The following SLC38A7 variants were observed in gnomAD, a reference collection of about 807,000 sequenced individuals.
SLC38A7 encodes solute carrier family 38 member 7, also known as sodium-coupled neutral amino acid transporter 7.
Under a neutral mutation model 50.1 loss-of-function variants are expected in SLC38A7, and 29 were observed. The observed-to-expected ratio is 0.58, with a 90% CI of 0.43 to 0.79. SLC38A7 has a LOEUF of 0.79. SLC38A7 is among the 30% of genes least tolerant of loss of function. The pLI is 0.00. For missense variants in SLC38A7, 483 were observed against 610.6 expected (o/e 0.79, Z 2.20); for synonymous variants, 244 against 245.9 (o/e 0.99, Z 0.07).
intron 8 of SLC38A7, among the ~76,000 whole-genome samples, chr16:58,674,558 A>C (rs2044226762): frequency 6.6e-6 from 1 of 152,158 alleles, no homozygotes; most frequent in Admixed American, 6.5e-5. Flanking sequence ...TATAGGTGTG[A>C]GCCACTGTGA....
intron 5 of SLC38A7, 172 bp from the exon 6 acceptor site, chr16:58,677,596 CACAGCTAGGA>C: frequency 1.6e-6 from 1 of 611,940 alleles, no homozygotes; most frequent in Non-Finnish European, 2.9e-6. Context: ...AGAAACCTGC[CACAGCTAGGA>C]AGGAGCTGGA....
intron 6 of SLC38A7, 51 bp downstream of exon 6, chr16:58,677,275 G>T: frequency 6.5e-7 from 1 of 1,528,018 alleles, no homozygotes; most frequent in South Asian, 1.1e-5. Flanking sequence ...GCACCTGCTG[G>T]GGCCCAAGTG....
At chr16:58,671,803 A>T in intron 9 of SLC38A7, 1 of 266,476 alleles carries the variant, frequency 3.8e-6, no homozygotes, top group Non-Finnish European at 7.1e-6. Flanking sequence ...TCCCAGGCTC[A>T]AGCGATCCTT....
At chr16:58,683,322 T>C (rs1158757314) in intron 2 of SLC38A7, among the ~76,000 whole-genome samples, 1 of 152,212 alleles carries the variant, frequency 6.6e-6, no homozygotes, top group African/African-American at 2.4e-5. Context: ...CTTGGACTAC[T>C]TCCCATTGCT....
At position 58,671,483 on chromosome 16, in the gene SLC38A7, C is replaced by T; in HGVS notation, c.1032-239G>A. Reference sequence around the variant, plus strand: ...ACATGGAAACTGATATTGTTTTTTCCTTAAAAGGAACTGTCTGGGGCATCC... The same window carrying T: ...ACATGGAAACTGATATTGTTTTTTCTTTAAAAGGAACTGTCTGGGGCATCC... On this transcript the variant is annotated intron_variant, in intron 9 of 11. Coordinates refer to ENST00000219320, the MANE Select transcript of SLC38A7 (RefSeq NM_018231.3). 5 of 584,736 alleles carry T rather than the reference C, an allele frequency of 8.6e-6. No homozygotes were observed. In the South Asian group the frequency reaches 1.1e-4, roughly 13 times the overall value. The allele number at this position is 584,736 out of a possible 1,614,324, so 36.2% of individuals were successfully genotyped here.
rs190039283 is a variant in SLC38A7 at position 58,682,328 on chromosome 16, G to A, written c.-116+1627C>T. Among the ~76,000 whole-genome samples, 326 of 152,254 alleles carry A rather than the reference G, an allele frequency of 2.1e-3. 1 individual carries two copies. Among genetic ancestry groups the A allele is most frequent in the African/African-American group, 7.4e-3 (308 of 41,548 alleles). On this transcript the variant is annotated intron_variant, in intron 2 of 11. Transcript: ENST00000219320. Reference sequence around the variant, plus strand: ...GCCAGGGCAGTCTTCCCCAGAGGCTGCTATTAGCTGGTTACCACCCAGGCT... The same window carrying A: ...GCCAGGGCAGTCTTCCCCAGAGGCTACTATTAGCTGGTTACCACCCAGGCT...
intron 2 of SLC38A7, among the ~76,000 whole-genome samples, chr16:58,683,070 G>A (rs917334133): frequency 5.3e-5 from 8 of 151,716 alleles, no homozygotes; most frequent in African/African-American, 1.9e-4. Context: ...GAGATGAGGA[G>A]GTCTCACTAT....
chr16:58,667,573 A>G, intron 11 of SLC38A7, 86 bp from the exon 12 acceptor site: 3 of 1,037,338 alleles, frequency 2.9e-6, no homozygotes, highest in Non-Finnish European at 4.1e-6. Flanking sequence ...TAATTACTGT[A>G]ATTATCGCAC....
In SLC38A7 at chr16:58,672,150, G is replaced by C. The variant is rs570530439; in HGVS notation, c.977C>G (p.Ala326Gly). 1.1e-5 allele frequency: 17 copies of C among 1,563,782 alleles called. No individual in the cohort carries two copies. The Admixed American group carries it at 3.1e-4, about 28-fold the overall frequency. The change falls in exon 9 of 12, where the codon GCC becomes GGC. Residue 326 changes from alanine (A) to glycine (G), a missense_variant. By Grantham distance (60) the Ala-to-Gly change is moderately conservative. Transcript: ENST00000219320. ...GGTGAGCACGCTCAGGATGATGAAG[G>C]CTCGGGCAACGGCCACGGCCATGTC... ...SEDMAVAVAR[A>G]FIILSVLTSY...
intron 9 of SLC38A7, 95 bp downstream of exon 9, chr16:58,672,001 C>T (rs957311501): frequency 1.5e-6 from 2 of 1,366,246 alleles, no homozygotes; most frequent in Non-Finnish European, 9.7e-7. Context: ...TTCAGTTTCT[C>T]CTTCTACAGG....
intron 5 of SLC38A7, chr16:58,677,687 C>A: frequency 2.1e-6 from 1 of 469,946 alleles, no homozygotes; most frequent in Non-Finnish European, 3.9e-6. Flanking sequence ...GGCTCAGAGA[C>A]GATGCAGAGA....
chr16:58,676,871 G>T (rs1215668113), intron 6 of SLC38A7, among the ~76,000 whole-genome samples: 1 of 151,962 alleles, frequency 6.6e-6, no homozygotes, highest in Non-Finnish European at 1.5e-5. Flanking sequence ...AGCCAGGATG[G>T]TCTCAATCTC....
At chr16:58,679,746 G>C in intron 3 of SLC38A7, 111 bp downstream of exon 3, 1 of 1,390,782 alleles carries the variant, frequency 7.2e-7, no homozygotes, top group Non-Finnish European at 1.0e-6. Context: ...GTGTGAGGGA[G>C]GGGAGAGCAG....
intron 3 of SLC38A7, 95 bp downstream of exon 3, chr16:58,679,762 G>C: frequency 6.6e-7 from 1 of 1,511,248 alleles, no homozygotes; most frequent in Non-Finnish European, 9.1e-7. Context: ...AGCAGTGCGT[G>C]TATCACTTAC....
At position 58,678,705 on chromosome 16, in the gene SLC38A7, G is replaced by C. The variant is rs1284103426; in HGVS notation, c.460C>G (p.Gln154Glu). Reference protein sequence around the residue: ...IAFLIIIGDQQDKIIAVMAKE... With the variant: ...IAFLIIIGDQEDKIIAVMAKE... ...TGAGGGAGAAGCTCACTCTTGTCCT[G>C]CTGGTCGCCAATGATGATTAGGAAG... Residue 154 changes from glutamine to glutamate, a missense_variant, in exon 4 of 12, where the codon CAG (glutamine) becomes GAG (glutamate). Coordinates refer to ENST00000219320, the MANE Select transcript of SLC38A7 (RefSeq NM_018231.3). The surrounding 1 kb of genome is among the most constrained non-coding windows in gnomAD (Gnocchi z 4.0). The C allele has an allele frequency of 6.2e-7, 1 of 1,613,782 alleles. No homozygotes were observed. The highest frequency in any genetic ancestry group is 1.3e-5 in the African/African-American group (1 of 74,936).
In SLC38A7 at chr16:58,677,644, C is replaced by A; in HGVS notation, c.612-220G>T. 1.5e-5 allele frequency: 8 copies of A among 541,410 alleles called. No homozygotes were observed. In the South Asian group the frequency reaches 1.7e-4, roughly 11 times the overall value. The allele number at this position is 541,410 out of a possible 1,614,324, so 33.5% of individuals were successfully genotyped here. A position where few individuals can be genotyped will look rare whatever the true frequency, so the allele number is the denominator to read the frequency against. ...GCCAACAGGGGACCTGATCAGCATT[C>A]CTGGCCATCAGGAAGTGCTGGTTCA... is the stretch of plus-strand genomic sequence containing the variant. On this transcript the variant is annotated intron_variant, in intron 5 of 11. Coordinates refer to ENST00000219320, the MANE Select transcript of SLC38A7 (RefSeq NM_018231.3).
In SLC38A7 at chr16:58,675,996, C is replaced by A. The variant is rs374759417; in HGVS notation, c.827G>T (p.Trp276Leu). 55 of 1,613,702 alleles carry A rather than the reference C, an allele frequency of 3.4e-5. No individual in the cohort carries two copies. The highest frequency in any genetic ancestry group is 4.5e-5 in the Non-Finnish European group (53 of 1,179,934). Residue 276 changes from tryptophan to leucine, a missense_variant, in exon 8 of 12, where the codon TGG becomes TTG. Transcript: ENST00000219320. ...NSMQQPEVKT[W>L]GGVVTAAMVI... ...CATGGCAGCTGTCACCACTCCACCC[C>A]AGGTCTTCACTTCAGGCTGCTGCAT...
At chr16:58,683,461 C>A (rs1267758893) in intron 2 of SLC38A7, among the ~76,000 whole-genome samples, 1 of 152,204 alleles carries the variant, frequency 6.6e-6, no homozygotes, top group Non-Finnish European at 1.5e-5. Context: ...AGGAAACATT[C>A]CTCTGCTGGC....
rs534410791 is a variant in SLC38A7 at position 58,679,938 on chromosome 16, C to T, written c.189G>A (p.Ala63=). The change falls in exon 3 of 12, where the codon GCG becomes GCA. Residue 63 remains alanine (A), a synonymous_variant. Transcript: ENST00000219320. ...AGTTGAGTAACCCTGCACCCAGGCA[C>T]GCGTTGACGACGATGAAGATGGCCC... is the stretch of plus-strand genomic sequence containing the variant. ...TLGAIFIVVN[A]CLGAGLLNFP... 9.3e-5 allele frequency: 150 copies of T among 1,611,874 alleles called. No individual in the cohort carries two copies. Among genetic ancestry groups the T allele is most frequent in the Non-Finnish European group, 1.2e-4 (136 of 1,178,554 alleles).
Sources: gnomAD v4.1 joint callset for allele counts (sites outside exome capture counted in the v4.1 genomes callset) on GRCh38, gnomAD v4.1.1 for gene constraint, Gnocchi (gnomAD v3.1) non-coding constraint, MANE v1.5 for transcripts, NCBI Gene and HGNC (gene_info 2026-07-23, HGNC 2026-07-21) for gene names.